ADK: variants seen among roughly 807,000 people sequenced by gnomAD.
ADK encodes the protein adenosine kinase, also known as N6,N6-dimethyladenosine kinase.
In ADK, 24 loss-of-function variants were observed where a neutral mutation model predicts 44.7. That is an observed-to-expected ratio of 0.54 (90% confidence interval 0.39 to 0.76). The LOEUF (loss-of-function observed/expected upper bound fraction) is 0.76. ADK is among the 30% of genes least tolerant of loss of function. ADK has a pLI of 0.00. For synonymous variants in ADK, 128 were observed against 142.6 expected, an observed-to-expected ratio of 0.90 and a Z score of 0.73; for missense variants, 321 against 425.1, an observed-to-expected ratio of 0.76 and a Z score of 2.15.
At chr10:74,301,740 C>T (rs1296037667) in intron 3 of ADK, among the ~76,000 whole-genome samples, 1 of 151,890 alleles carries the variant, frequency 6.6e-6, no homozygotes, top group African/African-American at 2.4e-5. Context: ...ACTACCTGGC[C>T]TTTTACAAAG....
intron 3 of ADK, among the ~76,000 whole-genome samples, chr10:74,231,958 T>G (rs878909964): frequency 6.6e-6 from 1 of 151,798 alleles, no homozygotes; most frequent in Non-Finnish European, 1.5e-5. Context: ...CTTTTTTTTG[T>G]TTGTCTTTTT....
chr10:74,187,124 G>A (rs757613460), intron 1 of ADK, among the ~76,000 whole-genome samples: 9 of 151,784 alleles, frequency 5.9e-5, no homozygotes, highest in Non-Finnish European at 1.3e-4. Context: ...TAAAATTTAG[G>A]CATTCTCCTG....
intron 2 of ADK, among the ~76,000 whole-genome samples, chr10:74,209,260 G>C (rs10824113): frequency 0.17 from 25,929 of 152,104 alleles, 2,589 homozygotes; most frequent in African/African-American, 0.28. Flanking sequence ...TGAGGACACA[G>C]TGTTCCTCCC....
chr10:74,459,170 C>G (rs1564734029), intron 6 of ADK, among the ~76,000 whole-genome samples: 1 of 151,684 alleles, frequency 6.6e-6, no homozygotes, highest in Non-Finnish European at 1.5e-5. Context: ...ATCCTAGCTA[C>G]TTGGGAGGCT....
intron 1 of ADK, among the ~76,000 whole-genome samples, chr10:74,199,008 G>A (rs1439966329): frequency 6.6e-6 from 1 of 152,122 alleles, no homozygotes; most frequent in Non-Finnish European, 1.5e-5. Context: ...ATGAAAAGAT[G>A]TGCATTTAAA....
intron 1 of ADK, among the ~76,000 whole-genome samples, chr10:74,199,932 C>T (rs1843312731): frequency 6.6e-6 from 1 of 151,930 alleles, no homozygotes; most frequent in African/African-American, 2.4e-5. Context: ...CCCACCTCGG[C>T]CTCCCAAAGT....
chr10:74,570,203 A>G (rs1322640714), intron 7 of ADK, among the ~76,000 whole-genome samples: 3 of 151,976 alleles, frequency 2.0e-5, no homozygotes, highest in African/African-American at 4.9e-5. Context: ...GAAGTCAGGT[A>G]GCGTGATGCC....
At chr10:74,210,330 G>GAGA (rs1843767461) in intron 2 of ADK, among the ~76,000 whole-genome samples, 1 of 84,920 alleles carries the variant, frequency 1.2e-5, no homozygotes, top group Non-Finnish European at 2.2e-5. Context: ...TCCATCTCAG[G>GAGA]AAAAAAAAAA....
chr10:74,220,902 T>C (rs1351502969), intron 2 of ADK, among the ~76,000 whole-genome samples: 2 of 151,896 alleles, frequency 1.3e-5, no homozygotes, highest in South Asian at 4.2e-4. Flanking sequence ...GACAAACCCA[T>C]AGCCAGTATC....
intron 6 of ADK, among the ~76,000 whole-genome samples, chr10:74,452,076 A>G (rs1437577606): frequency 1.3e-5 from 2 of 152,016 alleles, no homozygotes; most frequent in African/African-American, 4.8e-5. Context: ...CATGTATAAT[A>G]ATGCATGACT....
chr10:74,409,875 C>T (rs1844102397), intron 6 of ADK, among the ~76,000 whole-genome samples: 1 of 152,122 alleles, frequency 6.6e-6, no homozygotes, highest in Non-Finnish European at 1.5e-5. Context: ...CATTTTACAT[C>T]TCCTGCTTTG....
chr10:74,454,777 A>G (rs1845885238), intron 6 of ADK, among the ~76,000 whole-genome samples: 1 of 152,226 alleles, frequency 6.6e-6, no homozygotes, highest in Non-Finnish European at 1.5e-5. Context: ...TTCAATGGTG[A>G]AATGATAGGG....
chr10:74,700,704 G>A (rs1243277511), intron 10 of ADK, among the ~76,000 whole-genome samples: 1 of 152,040 alleles, frequency 6.6e-6, no homozygotes, highest in Non-Finnish European at 1.5e-5. Flanking sequence ...AATACAGGAA[G>A]ATAAACCAGA....
chr10:74,457,350 C>A (rs1845991524), intron 6 of ADK, among the ~76,000 whole-genome samples: 1 of 152,088 alleles, frequency 6.6e-6, no homozygotes, highest in South Asian at 2.1e-4. Flanking sequence ...AGCCTACCAA[C>A]CAAAAAAAGC....
intron 3 of ADK, among the ~76,000 whole-genome samples, chr10:74,246,174 A>G (rs1845408701): frequency 6.6e-6 from 1 of 152,172 alleles, no homozygotes; most frequent in Admixed American, 6.5e-5. Context: ...GGGCAGAACT[A>G]TATTCAAAGT....
At chr10:74,420,417 ATAAT>A (rs1478432457) in intron 6 of ADK, among the ~76,000 whole-genome samples, 4 of 152,186 alleles carry the variant, frequency 2.6e-5, no homozygotes, top group Admixed American at 6.5e-5. Flanking sequence ...TAATAATCAC[ATAAT>A]TAATGTAGCA....
At chr10:74,678,664 T>C (rs1474376454) in intron 10 of ADK, among the ~76,000 whole-genome samples, 1 of 152,234 alleles carries the variant, frequency 6.6e-6, no homozygotes, top group Non-Finnish European at 1.5e-5. Flanking sequence ...TTGATGATTA[T>C]TGAGAAATAT....
intron 7 of ADK, among the ~76,000 whole-genome samples, chr10:74,531,784 C>T (rs1564776772): frequency 6.6e-6 from 1 of 152,192 alleles, no homozygotes; most frequent in Non-Finnish European, 1.5e-5. Flanking sequence ...CCTTCTACCT[C>T]AGCCTCCCAA....
At chr10:74,688,192 T>C (rs1193374477) in intron 10 of ADK, among the ~76,000 whole-genome samples, 1 of 152,244 alleles carries the variant, frequency 6.6e-6, no homozygotes, top group Non-Finnish European at 1.5e-5. Context: ...AAGTCAACTC[T>C]TCTGTAATCA....
Sources: allele counts gnomAD v4.1 joint callset (sites outside exome capture counted in the v4.1 genomes callset), GRCh38; gene constraint gnomAD v4.1.1; transcripts MANE v1.5; gene names NCBI Gene and HGNC (gene_info 2026-07-23, HGNC 2026-07-21).